Variants in ZBTB38 observed in about 807,000 individuals in gnomAD.
ZBTB38 encodes the protein zinc finger and BTB domain-containing protein 38.
In ZBTB38, 20 loss-of-function variants were observed where a neutral mutation model predicts 76.8. The observed-to-expected ratio is 0.26, with a 90% CI of 0.18 to 0.38. The LOEUF (loss-of-function observed/expected upper bound fraction) is 0.38. ZBTB38 is among the 10% of genes least tolerant of loss of function. The pLI, the probability that ZBTB38 is intolerant of heterozygous loss-of-function variation, is 1.00. For missense variants in ZBTB38, 1,082 were observed against 1,482.3 expected (o/e 0.73, Z 4.43); for synonymous variants, 504 against 544.2 (o/e 0.93, Z 1.03).
At chr3:141,384,099 G>A (rs895616485) in intron 3 of ZBTB38, among the ~76,000 whole-genome samples, 1 of 152,328 alleles carries the variant, frequency 6.6e-6, no homozygotes, top group Admixed American at 6.5e-5. Flanking sequence ...TGTTTAACCC[G>A]AGCAGGTCTG....
chr3:141,434,466 C>T (rs1034791454), intron 5 of ZBTB38, among the ~76,000 whole-genome samples: 1 of 152,070 alleles, frequency 6.6e-6, no homozygotes, highest in African/African-American at 2.4e-5. Flanking sequence ...TGCTTTTTAC[C>T]TTAATGCATA....
At chr3:141,389,264 G>A (rs1948074039) in intron 4 of ZBTB38, 1 of 152,166 alleles carries the variant, frequency 6.6e-6, no homozygotes, top group Non-Finnish European at 1.5e-5. Context: ...CTATTCCATA[G>A]CACTATCGTA....
intron 2 of ZBTB38, among the ~76,000 whole-genome samples, chr3:141,380,279 T>A (rs1393004702): frequency 6.6e-6 from 1 of 152,234 alleles, no homozygotes. Flanking sequence ...GTTGAGGTAT[T>A]CTTTGGGGGC....
chr3:141,426,266 G>C, intron 5 of ZBTB38: 1 of 1,106,274 alleles, frequency 9.0e-7, no homozygotes, highest in African/African-American at 1.6e-5. Context: ...CACCTGCCCA[G>C]ACCCTGTCTC....
At chr3:141,383,893 G>A (rs183512556) in intron 3 of ZBTB38, among the ~76,000 whole-genome samples, 176 of 152,328 alleles carry the variant, frequency 1.2e-3, no homozygotes, top group Non-Finnish European at 1.8e-3. Flanking sequence ...CACATGCCCC[G>A]AGGAGGCTGA....
At chr3:141,344,746 A>G (rs1003416253) in intron 1 of ZBTB38, among the ~76,000 whole-genome samples, 7 of 152,170 alleles carry the variant, frequency 4.6e-5, no homozygotes, top group Non-Finnish European at 8.8e-5. Context: ...CTCACTAACT[A>G]CAATTGGGAA....
chr3:141,402,526 T>G (rs1171465285), intron 4 of ZBTB38: 5 of 146,796 alleles, frequency 3.4e-5, no homozygotes, highest in African/African-American at 1.0e-4. Context: ...GCGGCGCCCG[T>G]GGCGCCGCCA....
intron 1 of ZBTB38, among the ~76,000 whole-genome samples, chr3:141,327,708 C>T (rs1441579425): frequency 6.6e-6 from 1 of 152,096 alleles, no homozygotes; most frequent in East Asian, 1.9e-4. Context: ...CTGTATTGGC[C>T]TGTTAGTTGT....
intron 4 of ZBTB38, among the ~76,000 whole-genome samples, chr3:141,401,599 C>A (rs1951960946): frequency 7.1e-6 from 1 of 141,568 alleles, no homozygotes; most frequent in East Asian, 2.2e-4. Flanking sequence ...TCCTTTTAAG[C>A]TGTGGCCTTG....
chr3:141,365,013 T>C (rs1251579096), upstream of ZBTB38, among the ~76,000 whole-genome samples: 1 of 152,074 alleles, frequency 6.6e-6, no homozygotes, highest in Non-Finnish European at 1.5e-5. Context: ...TAGTACGATA[T>C]CACTCAGCAA....
chr3:141,436,462 G>C (rs985463485), intron 5 of ZBTB38, among the ~76,000 whole-genome samples: 2 of 152,088 alleles, frequency 1.3e-5, no homozygotes, highest in Non-Finnish European at 1.5e-5. Flanking sequence ...TACAACCCCA[G>C]TGTTGCCTGG....
At chr3:141,365,898 A>AT (rs1013539109), upstream of ZBTB38, among the ~76,000 whole-genome samples, 8 of 152,126 alleles carry the variant, frequency 5.3e-5, no homozygotes, top group Non-Finnish European at 1.0e-4. Flanking sequence ...TACCTTAATA[A>AT]TTTTTTTTAA....
chr3:141,335,807 A>G (rs1943001069), intron 1 of ZBTB38, among the ~76,000 whole-genome samples: 1 of 152,194 alleles, frequency 6.6e-6, no homozygotes, highest in South Asian at 2.1e-4. Context: ...GACCTGATTT[A>G]TGTGTATCTG....
At chr3:141,429,539 G>A (rs1330252214) in intron 5 of ZBTB38, among the ~76,000 whole-genome samples, 3 of 152,152 alleles carry the variant, frequency 2.0e-5, no homozygotes, top group South Asian at 4.1e-4. Context: ...CATGTGCTGC[G>A]GCCTGGAGAT....
At chr3:141,374,512 G>A (rs1021298425) in intron 2 of ZBTB38, among the ~76,000 whole-genome samples, 2 of 152,174 alleles carry the variant, frequency 1.3e-5, no homozygotes, top group African/African-American at 4.8e-5. Flanking sequence ...AGAGTGGAGA[G>A]AGTGGACCCC....
chr3:141,434,092 T>G (rs1210867663), intron 5 of ZBTB38: 2 of 545,052 alleles, frequency 3.7e-6, no homozygotes, highest in African/African-American at 4.1e-5. Context: ...AGATTGTCCC[T>G]GTACTCAAGG....
At chr3:141,330,187 T>C (rs1177988720) in intron 1 of ZBTB38, among the ~76,000 whole-genome samples, 3 of 152,130 alleles carry the variant, frequency 2.0e-5, no homozygotes, top group Non-Finnish European at 4.4e-5. Context: ...GTGTTGACTA[T>C]AGCCAGTGGC....
chr3:141,440,260 A>T (rs2079821037), intron 5 of ZBTB38, among the ~76,000 whole-genome samples: 2 of 152,372 alleles, frequency 1.3e-5, no homozygotes, highest in Middle Eastern at 3.4e-3. Context: ...GAATTAAAAC[A>T]GAAACATGGT....
At chr3:141,389,341 A>G (rs563836573) in intron 4 of ZBTB38, 2 of 152,230 alleles carry the variant, frequency 1.3e-5, no homozygotes, top group South Asian at 4.2e-4. Flanking sequence ...GTGGCCAACT[A>G]AAATATTTTG....
Sources: allele counts gnomAD v4.1 joint callset (sites outside exome capture counted in the v4.1 genomes callset), GRCh38; gene constraint gnomAD v4.1.1; transcripts MANE v1.5; gene names NCBI Gene and HGNC (gene_info 2026-07-23, HGNC 2026-07-21).